Variants in DAD1 observed in about 807,000 individuals in gnomAD.
DAD1 encodes defender against cell death 1.
DAD1 carries 4 observed loss-of-function variants against 9.0 expected under a neutral mutation model. That is an observed-to-expected ratio of 0.44 (90% CI 0.22 to 1.01). The LOEUF (loss-of-function observed/expected upper bound fraction) is 1.01. DAD1 is among the 50% of genes least tolerant of loss of function. The probability of loss-of-function intolerance (pLI) is 0.24; values close to 1 mark genes in which losing one functional copy is unlikely to be tolerated. For missense variants in DAD1, 119 were observed against 137.3 expected, an observed-to-expected ratio of 0.87 and a Z score of 0.67; for synonymous variants, 60 against 62.5, an observed-to-expected ratio of 0.96 and a Z score of 0.19.
rs2036994778 is a variant in DAD1 at position 22,565,193 on chromosome 14, A to G, written c.*45-56T>C. On this transcript the variant is annotated intron_variant, in intron 2 of 2. Coordinates refer to ENST00000250498, the MANE Select transcript of DAD1 (RefSeq NM_001344.4). ...CTTATGATACTAGAGACAGGGCCCC[A>G]AATCCTTCCATCTAAATTCTAACCC... 29 of 699,050 alleles carry G rather than the reference A, an allele frequency of 4.1e-5. 3 individuals carry two copies. In the South Asian group the frequency reaches 4.3e-4, roughly 10 times the overall value. 43.3% of individuals were successfully genotyped at this position (699,050 alleles called of 1,614,324 possible). A position where few individuals can be genotyped will look rare whatever the true frequency, so the allele number is the denominator to read the frequency against.
chr14:22,583,975 C>T (rs527813307), intron 1 of DAD1, among the ~76,000 whole-genome samples: 2 of 152,066 alleles, frequency 1.3e-5, no homozygotes, highest in Admixed American at 6.6e-5. Context: ...TTTAGGAAGG[C>T]GAATGTATAA....
chr14:22,582,064 G>A (rs978999929), intron 1 of DAD1, among the ~76,000 whole-genome samples: 5 of 151,640 alleles, frequency 3.3e-5, no homozygotes, highest in African/African-American at 7.3e-5. Flanking sequence ...AAAATTAGCC[G>A]GGTGCAGTGG....
intron 1 of DAD1, among the ~76,000 whole-genome samples, chr14:22,585,532 T>A (rs1221358470): frequency 6.6e-6 from 1 of 152,210 alleles, no homozygotes; most frequent in African/African-American, 2.4e-5. Flanking sequence ...ATATTCTACC[T>A]CTGAGGTCCT....
chr14:22,584,336 C>T (rs548058207), intron 1 of DAD1, among the ~76,000 whole-genome samples: 26 of 152,146 alleles, frequency 1.7e-4, no homozygotes, highest in Non-Finnish European at 2.6e-4. Context: ...AGCACAATGC[C>T]ATATCTCTCT....
intron 2 of DAD1, among the ~76,000 whole-genome samples, chr14:22,570,417 C>T (rs1332423469): frequency 2.0e-5 from 3 of 152,166 alleles, no homozygotes; most frequent in African/African-American, 7.2e-5. Context: ...ACCCCCAACC[C>T]AGCATCTAAA....
At chr14:22,569,506 T>A (rs5742839) in intron 2 of DAD1, among the ~76,000 whole-genome samples, 4,607 of 151,816 alleles carry the variant, frequency 0.03, 104 homozygotes, top group Middle Eastern at 0.062. Context: ...CACAATTGAG[T>A]CCAGTGGGAG....
At chr14:22,587,104 A>C (rs2037157827) in intron 1 of DAD1, among the ~76,000 whole-genome samples, 3 of 152,230 alleles carry the variant, frequency 2.0e-5, no homozygotes, top group Admixed American at 1.3e-4. Context: ...GCTCAAAAAC[A>C]GGTCTTGGCA....
At chr14:22,587,792 G>A (rs894354126) in intron 1 of DAD1, among the ~76,000 whole-genome samples, 1 of 149,138 alleles carries the variant, frequency 6.7e-6, no homozygotes, top group African/African-American at 2.5e-5. Flanking sequence ...AAGCTGAAGT[G>A]CAATGGCACG....
chr14:22,579,938 C>T (rs1029948612), intron 1 of DAD1, among the ~76,000 whole-genome samples: 4 of 149,926 alleles, frequency 2.7e-5, no homozygotes, highest in Non-Finnish European at 5.9e-5. Context: ...CTCCTGGGCT[C>T]AAACAATCCT....
At position 22,565,029 on chromosome 14, in the gene DAD1, C is replaced by A; in HGVS notation, c.*153G>T. 1 of 688,338 alleles carries A rather than the reference C, an allele frequency of 1.5e-6. No individual in the cohort carries two copies. The highest frequency in any genetic ancestry group is 2.6e-6 in the Non-Finnish European group (1 of 378,670). 42.6% of individuals were successfully genotyped at this position (688,338 alleles called of 1,614,324 possible). ...GACACACAGTGAACTCTGGGCTTTT[C>A]TCCTGCATAAAAAGCAGAGCTAGCA... On this transcript the variant is annotated 3_prime_UTR_variant, in exon 3 of 3. Coordinates refer to ENST00000250498, the MANE Select transcript of DAD1 (RefSeq NM_001344.4).
At position 22,575,215 on chromosome 14, in the gene DAD1, A is replaced by G. The variant is rs753058010; in HGVS notation, c.230T>C (p.Ile77Thr). 1 of 1,614,040 alleles carries G rather than the reference A, an allele frequency of 6.2e-7. No homozygotes were observed. Among genetic ancestry groups the G allele is most frequent in the African/African-American group, 1.3e-5 (1 of 75,048 alleles). The change falls in exon 2 of 3, where the codon ATC (isoleucine) becomes ACC (threonine). Residue 77 changes from isoleucine (I) to threonine (T), a missense_variant. Coordinates refer to ENST00000250498, the MANE Select transcript of DAD1 (RefSeq NM_001344.4). The part of the protein sequence containing the change: ...FILAVCLRIQ[I>T]NPQNKADFQG... ...GAAATCCGCTTTGTTCTGTGGGTTG[A>G]TCTGTATTCTCAGGCAAACTGCACA... is the stretch of plus-strand genomic sequence containing the variant.
intron 1 of DAD1, among the ~76,000 whole-genome samples, chr14:22,576,932 A>C (rs996343651): frequency 6.6e-6 from 1 of 152,220 alleles, no homozygotes; most frequent in Non-Finnish European, 1.5e-5. Context: ...ATATCACCTC[A>C]CATCTATTAG....
rs1385387235 is a variant in DAD1 at position 22,575,052 on chromosome 14, C to T, written c.*44+7G>A. The stretch of plus-strand genomic sequence containing the variant: ...ATTATAGGACAAGGACTATGATCAT[C>T]ACTTACATTCTTTTAGTCTCCTACT... On this transcript the variant is annotated splice_region_variant and intron_variant, in intron 2 of 2. Coordinates refer to ENST00000250498, the MANE Select transcript of DAD1 (RefSeq NM_001344.4). 1.9e-6 allele frequency: 3 copies of T among 1,598,208 alleles called. No individual in the cohort carries two copies. The highest frequency in any genetic ancestry group is 2.6e-6 in the Non-Finnish European group (3 of 1,169,104).
At position 22,587,741 on chromosome 14, in the gene DAD1, CT is replaced by C. The variant is rs368168879; in HGVS notation, c.211+1205del. ...TAAGCACAGCACCACTGTCACCAGA[CT>C]TTTTTTTTTTTTTTTTGAGGCTGAG... is the stretch of plus-strand genomic sequence containing the variant. On this transcript the variant is annotated intron_variant, in intron 1 of 2. Transcript: ENST00000250498. Among the ~76,000 whole-genome samples the C allele has an allele frequency of 3.9e-3, 548 of 139,064 alleles. 3 individuals are homozygous for C. The highest frequency in any genetic ancestry group is 0.014 in the Middle Eastern group (4 of 276). The allele number at this position is 139,064 out of a possible 152,430, so 91.2% of individuals were successfully genotyped here.
At chr14:22,572,920 G>A (rs780141649) in intron 2 of DAD1, among the ~76,000 whole-genome samples, 7 of 152,184 alleles carry the variant, frequency 4.6e-5, no homozygotes, top group Non-Finnish European at 7.3e-5. Flanking sequence ...GTCAATGTTG[G>A]TGGGTCAGTT....
intron 2 of DAD1, among the ~76,000 whole-genome samples, chr14:22,568,325 A>G (rs921968588): frequency 6.6e-6 from 1 of 152,282 alleles, no homozygotes; most frequent in African/African-American, 2.4e-5. Flanking sequence ...CGTGGGAACT[A>G]GAAGACATTT....
chr14:22,570,533 T>C (rs5742830), intron 2 of DAD1, among the ~76,000 whole-genome samples: 14,283 of 152,180 alleles, frequency 0.094, 1,211 homozygotes, highest in African/African-American at 0.23. Flanking sequence ...TGTTTTGTAG[T>C]AGCCGCTCAA....
At chr14:22,577,306 C>T (rs1364069828) in intron 1 of DAD1, among the ~76,000 whole-genome samples, 4 of 152,002 alleles carry the variant, frequency 2.6e-5, no homozygotes, top group African/African-American at 4.8e-5. Context: ...TGGTGGTAGG[C>T]GCCTGTAATC....
chr14:22,573,570 C>T (rs771784968), intron 2 of DAD1, among the ~76,000 whole-genome samples: 15 of 151,626 alleles, frequency 9.9e-5, no homozygotes, highest in East Asian at 1.9e-4. Context: ...ATTAGCCGGG[C>T]GTGGTGGCGG....
Sources: allele counts gnomAD v4.1 joint callset (sites outside exome capture counted in the v4.1 genomes callset), GRCh38; gene constraint gnomAD v4.1.1; transcripts MANE v1.5; gene names NCBI Gene and HGNC (gene_info 2026-07-23, HGNC 2026-07-21).